The following UBE2E2 variants were observed in gnomAD, a reference collection of about 807,000 sequenced individuals.
UBE2E2 encodes ubiquitin conjugating enzyme E2 E2.
UBE2E2 carries 6 observed loss-of-function variants against 24.7 expected under a neutral mutation model. The ratio of observed to expected loss-of-function variants is 0.24; its 90% CI spans 0.13 to 0.48. The LOEUF is 0.48. UBE2E2 is among the 20% of genes least tolerant of loss of function. The pLI is 0.99. For synonymous variants in UBE2E2, 104 were observed against 83.6 expected (o/e 1.24, Z -1.33); for missense variants, 169 against 245.0 (o/e 0.69, Z 2.07).
intron 5 of UBE2E2, among the ~76,000 whole-genome samples, chr3:23,536,476 T>C (rs1695266992): frequency 6.6e-6 from 1 of 152,232 alleles, no homozygotes; most frequent in Non-Finnish European, 1.5e-5. Flanking sequence ...TAAAGTGTTT[T>C]TGAGCTTGTT....
chr3:23,417,808 G>A (rs1009079158), intron 3 of UBE2E2, among the ~76,000 whole-genome samples: 2 of 152,216 alleles, frequency 1.3e-5, no homozygotes, highest in East Asian at 3.8e-4. Flanking sequence ...TTTGCAAGCT[G>A]TGGTGGGCCC....
At chr3:23,428,170 A>G (rs934714208) in intron 3 of UBE2E2, among the ~76,000 whole-genome samples, 11 of 152,242 alleles carry the variant, frequency 7.2e-5, no homozygotes, top group Non-Finnish European at 1.6e-4. Context: ...ATTCTGGATC[A>G]TAAAACACAC....
At chr3:23,403,893 C>A (rs1329641152) in intron 3 of UBE2E2, among the ~76,000 whole-genome samples, 1 of 151,596 alleles carries the variant, frequency 6.6e-6, no homozygotes, top group Non-Finnish European at 1.5e-5. Flanking sequence ...CTACTTCAAT[C>A]CAAGATGAAG....
At chr3:23,426,417 CA>C (rs34164749) in intron 3 of UBE2E2, among the ~76,000 whole-genome samples, 14,770 of 119,950 alleles carry the variant, frequency 0.12, 710 homozygotes, top group African/African-American at 0.15. Context: ...AGGATAAATG[CA>C]AAAAAAAAAA....
intron 3 of UBE2E2, among the ~76,000 whole-genome samples, chr3:23,486,453 G>T (rs144255397): frequency 5.3e-5 from 8 of 152,204 alleles, no homozygotes; most frequent in African/African-American, 1.9e-4. Context: ...CTTTCTCTTT[G>T]CCCACAGCAT....
chr3:23,325,896 G>C (rs772697671), intron 3 of UBE2E2, among the ~76,000 whole-genome samples: 8 of 152,176 alleles, frequency 5.3e-5, no homozygotes, highest in Non-Finnish European at 1.2e-4. Flanking sequence ...TTTGGGTGAT[G>C]AGTGATATAG....
intron 3 of UBE2E2, among the ~76,000 whole-genome samples, chr3:23,305,781 G>C (rs959066103): frequency 6.6e-6 from 1 of 152,114 alleles, no homozygotes; most frequent in Non-Finnish European, 1.5e-5. Context: ...CCAGGTTGGA[G>C]TATAGTGGTA....
intron 3 of UBE2E2, among the ~76,000 whole-genome samples, chr3:23,356,504 CAT>C (rs1169563057): frequency 2.0e-5 from 3 of 152,190 alleles, no homozygotes; most frequent in Non-Finnish European, 4.4e-5. Context: ...TTCTCACCTT[CAT>C]ATGTTTCCTG....
intron 3 of UBE2E2, among the ~76,000 whole-genome samples, chr3:23,268,123 G>A (rs1055026269): frequency 6.6e-6 from 1 of 151,506 alleles, no homozygotes; most frequent in African/African-American, 2.4e-5. Context: ...AAAACTGGAA[G>A]CATTCCCTTT....
intron 3 of UBE2E2, among the ~76,000 whole-genome samples, chr3:23,382,703 G>A (rs1163004915): frequency 2.0e-5 from 3 of 152,098 alleles, no homozygotes; most frequent in African/African-American, 7.2e-5. Flanking sequence ...ACTCCATTTT[G>A]TGTAGATAAT....
At chr3:23,541,494 C>G (rs1575695126) in intron 5 of UBE2E2, among the ~76,000 whole-genome samples, 2 of 152,080 alleles carry the variant, frequency 1.3e-5, no homozygotes, top group South Asian at 4.1e-4. Flanking sequence ...GTGAATAATT[C>G]ACACAATAAG....
chr3:23,560,312 C>T (rs1211446547), intron 5 of UBE2E2, among the ~76,000 whole-genome samples: 6 of 148,690 alleles, frequency 4.0e-5, no homozygotes, highest in East Asian at 2.0e-4. Flanking sequence ...TGAGAACATG[C>T]GGTGTTTGGT....
intron 3 of UBE2E2, among the ~76,000 whole-genome samples, chr3:23,308,795 G>A (rs188778020): frequency 6.6e-6 from 1 of 152,166 alleles, no homozygotes; most frequent in Non-Finnish European, 1.5e-5. Context: ...GGAGAATGAT[G>A]GAAGCCGGTA....
chr3:23,399,796 G>T (rs909390298), intron 3 of UBE2E2, among the ~76,000 whole-genome samples: 6 of 152,086 alleles, frequency 3.9e-5, no homozygotes, highest in African/African-American at 1.4e-4. Context: ...ATAATGTACT[G>T]TTTATCATTT....
chr3:23,580,679 A>G (rs1696455996), intron 5 of UBE2E2, among the ~76,000 whole-genome samples: 1 of 152,212 alleles, frequency 6.6e-6, no homozygotes, highest in Non-Finnish European at 1.5e-5. Flanking sequence ...GAGATGGGAC[A>G]CATAAGACTG....
At chr3:23,401,901 A>C (rs1697233311) in intron 3 of UBE2E2, among the ~76,000 whole-genome samples, 2 of 123,864 alleles carry the variant, frequency 1.6e-5, no homozygotes, top group South Asian at 5.3e-4. Context: ...TGTGTCACCC[A>C]GGCTGGAGTG....
intron 5 of UBE2E2, among the ~76,000 whole-genome samples, chr3:23,587,950 T>A (rs1696664321): frequency 1.3e-5 from 2 of 152,124 alleles, no homozygotes. Flanking sequence ...CCTGGAATAA[T>A]TATTACGAGA....
intron 3 of UBE2E2, among the ~76,000 whole-genome samples, chr3:23,446,630 C>G (rs561103678): frequency 6.6e-6 from 1 of 150,518 alleles, no homozygotes; most frequent in South Asian, 2.1e-4. Context: ...GATACCATAT[C>G]TGGCATGCCA....
chr3:23,212,786 A>G (rs1182771836), intron 2 of UBE2E2, among the ~76,000 whole-genome samples: 1 of 152,078 alleles, frequency 6.6e-6, no homozygotes, highest in Admixed American at 6.5e-5. Context: ...AAAACTTTTT[A>G]ATGTTTCTGA....
Sources: gnomAD v4.1 joint callset for allele counts (sites outside exome capture counted in the v4.1 genomes callset) on GRCh38, gnomAD v4.1.1 for gene constraint, MANE v1.5 for transcripts, NCBI Gene and HGNC (gene_info 2026-07-23, HGNC 2026-07-21) for gene names.